The following GLI1 variants were observed in gnomAD, a reference collection of about 807,000 sequenced individuals.
GLI1 encodes the protein transcription activator GLI1.
GLI1 carries 51 observed loss-of-function variants against 87.8 expected under a neutral mutation model. The observed-to-expected ratio is 0.58, with a 90% CI of 0.46 to 0.73. The LOEUF is 0.73. Ranked by LOEUF, GLI1 falls within the 30% of genes least tolerant of loss-of-function variation. The pLI, the probability that GLI1 is intolerant of heterozygous loss-of-function variation, is 0.00. For synonymous variants in GLI1, 528 were observed against 558.2 expected, an observed-to-expected ratio of 0.95 and a Z score of 0.76; for missense variants, 1,292 against 1,437.2, an observed-to-expected ratio of 0.90 and a Z score of 1.63.
In GLI1 at chr12:57,471,550, G is replaced by A. The variant is rs1353712383; in HGVS notation, c.2810G>A (p.Ser937Asn). Residue 937 changes from serine to asparagine, a missense_variant, in exon 12 of 12, where the codon AGC becomes AAC. Ser to Asn is a conservative substitution (Grantham distance 46). Coordinates refer to ENST00000228682, the MANE Select transcript of GLI1 (RefSeq NM_005269.3). The surrounding 1 kb of genome is among the most constrained non-coding windows in gnomAD (Gnocchi z 4.9). ...SPKFLGGSQV[S>N]PSRAKAPVNT... ...AAGTTTCTGGGGGGTTCCCAGGTTA[G>A]CCCAAGCCGTGCTAAAGCTCCAGTG... 1.1e-5 allele frequency: 18 copies of A among 1,613,610 alleles called. No individual in the cohort carries two copies. The highest frequency in any genetic ancestry group is 1.5e-5 in the Non-Finnish European group (18 of 1,179,860).
chr12:57,468,215 G>C lies in GLI1; in HGVS notation c.1299G>C (p.Glu433Asp). ...AGGAAAGCAGACTGACTGTGCCAGA[G>C]GGTGCCATGGTGAGAGAGCCCAGGC... ...IREESRLTVP[E>D]GAMKPQPSPG... The change falls in exon 10 of 12, where the codon GAG (glutamate) becomes GAC (aspartate). Residue 433 changes from glutamate to aspartate, a missense_variant. By Grantham distance (45) the Glu-to-Asp change is conservative (BLOSUM62 2). Transcript: ENST00000228682. 2 of 1,611,988 alleles carry C rather than the reference G, an allele frequency of 1.2e-6. No homozygotes were observed. Among genetic ancestry groups the C allele is most frequent in the Non-Finnish European group, 1.7e-6 (2 of 1,178,164 alleles).
rs762554021 is a variant in GLI1, at chr12:57,470,860, C to T, written c.2120C>T (p.Pro707Leu). 6.2e-7 allele frequency: 1 copy of T among 1,610,092 alleles called. No homozygotes were observed. Among genetic ancestry groups the T allele is most frequent in the Admixed American group, 1.7e-5 (1 of 59,570 alleles). Residue 707 changes from proline (P) to leucine (L), a missense_variant, in exon 12 of 12, where the codon CCA (proline) becomes CTA (leucine). Pro to Leu is a moderately conservative substitution (Grantham distance 98). Around this residue, in one of 3 missense-constraint regions of GLI1, gnomAD observed 897 missense variants for 1,040.7 expected, o/e 0.86. Coordinates refer to ENST00000228682, the MANE Select transcript of GLI1 (RefSeq NM_005269.3). ...GATGCTAGAGGGCTACAGGAAGAGCCAGAAGTTGGGACCTCCATGGTGGGC... is the reference window on the plus strand; with the variant it reads ...GATGCTAGAGGGCTACAGGAAGAGCTAGAAGTTGGGACCTCCATGGTGGGC... ...AMDARGLQEE[P>L]EVGTSMVGSG...
rs536075646 is a variant in GLI1 at position 57,471,558 on chromosome 12, C to A, written c.2818C>A (p.Arg940Ser). The A allele has an allele frequency of 1.9e-6, 3 of 1,613,690 alleles. No homozygotes were observed. ...GGGGGGTTCCCAGGTTAGCCCAAGC[C>A]GTGCTAAAGCTCCAGTGAACACATA... ...FLGGSQVSPSRAKAPVNTYGP... is the reference protein window; with the variant it reads ...FLGGSQVSPSSAKAPVNTYGP... Residue 940 changes from arginine (R) to serine (S), a missense_variant, in exon 12 of 12, where the codon CGT becomes AGT. This residue lies in a region of GLI1 where 897 missense variants were observed against 1,040.7 expected (regional missense o/e 0.86). Transcript: ENST00000228682. This position sits in a 1 kb window ranked among gnomAD's most constrained non-coding sequence, Gnocchi z 4.9.
At position 57,471,062 on chromosome 12, in the gene GLI1, C is replaced by T. The variant is rs755169191; in HGVS notation, c.2322C>T (p.Asp774=). 3.8e-5 allele frequency: 61 copies of T among 1,611,398 alleles called. No individual in the cohort carries two copies. The highest frequency in any genetic ancestry group is 5.1e-5 in the Non-Finnish European group (60 of 1,178,630). The change falls in exon 12 of 12, where the codon GAC becomes GAT. Residue 774 remains aspartate (D), a synonymous_variant. Coordinates refer to ENST00000228682, the MANE Select transcript of GLI1 (RefSeq NM_005269.3). This position sits in a 1 kb window ranked among gnomAD's most constrained non-coding sequence, Gnocchi z 4.9. Reference sequence around the variant, plus strand: ...GTCCCCAGCAGGCCTCATATCCTGACCCCACCCAAGAAACATGGGGTGAGT... The same window carrying T: ...GTCCCCAGCAGGCCTCATATCCTGATCCCACCCAAGAAACATGGGGTGAGT... ...NPCPQQASYP[D]PTQETWGEFP...
At chr12:57,462,817 T>C (rs1163918894) in intron 1 of GLI1, among the ~76,000 whole-genome samples, 1 of 152,152 alleles carries the variant, frequency 6.6e-6, no homozygotes, top group Non-Finnish European at 1.5e-5. Context: ...TGGCTCTGTG[T>C]CGGGACTGTG....
chr12:57,467,607 C>T, intron 9 of GLI1, 110 bp downstream of exon 9: 1 of 904,520 alleles, frequency 1.1e-6, no homozygotes, highest in South Asian at 1.8e-5. Context: ...GTGAGTCCCC[C>T]TCCCCACATA....
At chr12:57,466,128 C>T in intron 7 of GLI1, 112 bp from the exon 8 acceptor site, 1 of 1,215,038 alleles carries the variant, frequency 8.2e-7, no homozygotes, top group Non-Finnish European at 1.2e-6. Flanking sequence ...GCTCCTGCCT[C>T]TTCCTCCTTG....
rs756402955 is a variant in GLI1 at position 57,463,758 on chromosome 12, C to G, written c.67C>G (p.Pro23Ala). Residue 23 changes from proline (P) to alanine (A), a missense_variant, in exon 2 of 12, where the codon CCC (proline) becomes GCC (alanine). Pro to Ala is a conservative substitution (Grantham distance 27). This residue lies in a region of GLI1 where 383 missense variants were observed against 368.4 expected (regional missense o/e 1.04). Transcript: ENST00000228682. ...YGEPCCLRPL[P>A]SQGAPSVGTE... is the part of the protein sequence containing the mutation. ...CGAGCCCTGCTGTCTCCGGCCCCTC[C>G]CCAGTCAGGGGGCCCCCAGTGTGGG... is the stretch of plus-strand genomic sequence containing the variant. 3 of 1,609,408 alleles carry G rather than the reference C, an allele frequency of 1.9e-6. No homozygotes were observed. The highest frequency in any genetic ancestry group is 2.7e-5 in the African/African-American group (2 of 74,900).
chr12:57,464,493 G>A (rs998621578), intron 3 of GLI1, among the ~76,000 whole-genome samples, 180 bp from the exon 4 acceptor site: 2 of 150,260 alleles, frequency 1.3e-5, no homozygotes, highest in African/African-American at 2.5e-5. Context: ...ACGCACTCCA[G>A]CCTGGGTTAC....
rs145257887 is a variant in GLI1, at chr12:57,467,558, C to T, written c.1077+61C>T. On this transcript the variant is annotated intron_variant, in intron 9 of 11. Coordinates refer to ENST00000228682, the MANE Select transcript of GLI1 (RefSeq NM_005269.3). ...GAAGCCACCTACCAGGGAGATTCCC[C>T]CATAAGAAATCCCTTAGCCCAGCAC... 19 of 1,392,096 alleles carry T rather than the reference C, an allele frequency of 1.4e-5. No individual in the cohort carries two copies. The East Asian group carries it at 4.5e-4, about 33-fold the overall frequency. 86.2% of individuals were successfully genotyped at this position (1,392,096 alleles called of 1,614,324 possible).
chr12:57,471,462 C>G lies in GLI1; in HGVS notation c.2722C>G (p.Leu908Val). The stretch of plus-strand genomic sequence containing the variant: ...TAATTATGTTCAATCTCAACAGGAG[C>G]TACTGTGGGAGGGTGGGGGCAGGGA... Reference protein sequence around the residue: ...VCNYVQSQQELLWEGGGREDA... With the variant: ...VCNYVQSQQEVLWEGGGREDA... The change falls in exon 12 of 12, where the codon CTA becomes GTA. Residue 908 changes from leucine to valine, a missense_variant. Leu to Val is a conservative substitution (Grantham distance 32). Around this residue, in one of 3 missense-constraint regions of GLI1, gnomAD observed 897 missense variants for 1,040.7 expected, o/e 0.86. Coordinates refer to ENST00000228682, the MANE Select transcript of GLI1 (RefSeq NM_005269.3). This position sits in a 1 kb window ranked among gnomAD's most constrained non-coding sequence, Gnocchi z 4.9. The G allele has an allele frequency of 6.2e-7, 1 of 1,613,248 alleles. No homozygotes were observed. The highest frequency in any genetic ancestry group is 8.5e-7 in the Non-Finnish European group (1 of 1,179,390).
Position 57,468,132 on chromosome 12 carries a change from G to A in GLI1, c.1216G>A (p.Ala406Thr). ...CCGTGGGGATGGCCCCCTGCCTCGG[G>A]CACCATCCATTTCTACAGTGGAGCC... is the stretch of plus-strand genomic sequence containing the variant. The part of the protein sequence containing the change: ...RHRGDGPLPR[A>T]PSISTVEPKR... Residue 406 changes from alanine to threonine, a missense_variant, in exon 10 of 12, where the codon GCA (alanine) becomes ACA (threonine). This residue lies in a region of GLI1 where 897 missense variants were observed against 1,040.7 expected (regional missense o/e 0.86). Transcript: ENST00000228682. 2 of 1,614,178 alleles carry A rather than the reference G, an allele frequency of 1.2e-6. No individual in the cohort carries two copies. The highest frequency in any genetic ancestry group is 1.7e-6 in the Non-Finnish European group (2 of 1,180,008).
At chr12:57,464,927 C>A in intron 4 of GLI1, 59 bp downstream of exon 4, 1 of 1,376,190 alleles carries the variant, frequency 7.3e-7, no homozygotes, top group Non-Finnish European at 1.0e-6. Context: ...CATTAAAAGT[C>A]TCAAGCCCTC....
chr12:57,464,827 T>G lies in GLI1; in HGVS notation c.348T>G (p.Ser116=). Residue 116 remains serine, a synonymous_variant, in exon 4 of 12, where the codon TCT becomes TCG. Transcript: ENST00000228682. ...LVAFINSRCT[S]PGGSYGHLSI... ...CTTTCATCAACTCGCGATGCACATC[T>G]CCAGGAGGCTCCTACGGTCATCTCT... The G allele has an allele frequency of 1.2e-6, 2 of 1,614,002 alleles. No homozygotes were observed. The highest frequency in any genetic ancestry group is 1.7e-6 in the Non-Finnish European group (2 of 1,179,902).
At position 57,464,927 on chromosome 12, in the gene GLI1, C is replaced by T. The variant is rs1871377078; in HGVS notation, c.389+59C>T. 12 of 1,376,078 alleles carry T rather than the reference C, an allele frequency of 8.7e-6. No homozygotes were observed. The South Asian group carries it at 1.1e-4, about 12-fold the overall frequency. 85.2% of individuals were successfully genotyped at this position (1,376,078 alleles called of 1,614,324 possible). ...GCCCCTACCCAAGTCCATTAAAAGT[C>T]TCAAGCCCTCAAACTACCTAACCCT... On this transcript the variant is annotated intron_variant, in intron 4 of 11. Transcript: ENST00000228682.
intron 2 of GLI1, 29 bp from the exon 3 acceptor site, chr12:57,463,970 T>A: frequency 6.6e-7 from 1 of 1,523,118 alleles, no homozygotes; most frequent in Non-Finnish European, 9.1e-7. Context: ...GTATCCTCCA[T>A]TCCCATTCCA....
intron 3 of GLI1, 56 bp downstream of exon 3, chr12:57,464,147 A>T: frequency 8.5e-7 from 1 of 1,170,516 alleles, no homozygotes; most frequent in Non-Finnish European, 1.3e-6. Flanking sequence ...TTGTTCTGAA[A>T]GAGAAAGTGG....
At chr12:57,469,104 T>G (rs954936696) in intron 10 of GLI1, among the ~76,000 whole-genome samples, 2 of 152,204 alleles carry the variant, frequency 1.3e-5, no homozygotes, top group East Asian at 3.8e-4. Context: ...ACATGTATAA[T>G]TTCATGTACT....
At chr12:57,461,076 C>G (rs950110560) in intron 1 of GLI1, among the ~76,000 whole-genome samples, 1 of 152,076 alleles carries the variant, frequency 6.6e-6, no homozygotes, top group Non-Finnish European at 1.5e-5. Context: ...CCCTTGCTCC[C>G]CGCTCTGAAT....
Sources: allele counts gnomAD v4.1 joint callset (sites outside exome capture counted in the v4.1 genomes callset), GRCh38; gene constraint gnomAD v4.1.1; regional missense constraint gnomAD v4.1.1; non-coding constraint Gnocchi (gnomAD v3.1); transcripts MANE v1.5; gene names NCBI Gene and HGNC (gene_info 2026-07-23, HGNC 2026-07-21).